Variants in UBA7 observed in about 807,000 individuals in gnomAD.
The protein encoded by UBA7 is ubiquitin like modifier activating enzyme 7.
A neutral mutation model predicts 113.0 loss-of-function variants in UBA7; 88 were observed. That is an observed-to-expected ratio of 0.78 (90% CI 0.66 to 0.93). The LOEUF (loss-of-function observed/expected upper bound fraction) is 0.93. UBA7 is among the 40% of genes least tolerant of loss of function. UBA7 has a pLI of 0.00. For synonymous variants in UBA7, 459 were observed against 513.0 expected, an observed-to-expected ratio of 0.89 and a Z score of 1.42; for missense variants, 1,092 against 1,266.4, an observed-to-expected ratio of 0.86 and a Z score of 2.09.
chr3:49,806,424 G>A, intron 21 of UBA7: 1 of 566,890 alleles, frequency 1.8e-6, no homozygotes, highest in Non-Finnish European at 3.2e-6. Context: ...GTGAGAGTGG[G>A]GGATGAGGGG....
rs1407828478 is a variant in UBA7 at position 49,810,813 on chromosome 3, C to G, written c.1250G>C (p.Gly417Ala). The G allele has an allele frequency of 6.2e-7, 1 of 1,614,014 alleles. No individual in the cohort carries two copies. The highest frequency in any genetic ancestry group is 8.5e-7 in the Non-Finnish European group (1 of 1,180,038). The change falls in exon 11 of 24, where the codon GGG (glycine) becomes GCG (alanine). Residue 417 changes from glycine (G) to alanine (A), a missense_variant. By Grantham distance (60) the Gly-to-Ala change is moderately conservative (BLOSUM62 0). Coordinates refer to ENST00000333486, the MANE Select transcript of UBA7 (RefSeq NM_003335.3). The surrounding 1 kb of genome is among the most constrained non-coding windows in gnomAD (Gnocchi z 5.6). ...ACCAGCCCCAAACACTGCAATTTGC[C>G]CATCATAGCGGCTGCCTCTCTAGGG... ...DCALRGSRYD[G>A]QIAVFGAGFQ... is the part of the protein sequence containing the mutation.
rs757639008 is a variant in UBA7, at chr3:49,807,726, A to T, written c.2715+10T>A. On this transcript the variant is annotated intron_variant, in intron 21 of 23. Coordinates refer to ENST00000333486, the MANE Select transcript of UBA7 (RefSeq NM_003335.3). This position sits in a 1 kb window ranked among gnomAD's most constrained non-coding sequence, Gnocchi z 4.0. ...CTAGTAGGGCTAAGGGTGGGGTATCATGGGCTCACCGTCTGGATGGCTGGG... is the reference window on the plus strand; with the variant it reads ...CTAGTAGGGCTAAGGGTGGGGTATCTTGGGCTCACCGTCTGGATGGCTGGG... The T allele has an allele frequency of 1.3e-6, 2 of 1,598,472 alleles. No individual in the cohort carries two copies. The highest frequency in any genetic ancestry group is 4.5e-5 in the East Asian group (2 of 44,754).
chr3:49,807,080 C>T lies in UBA7; in HGVS notation c.2715+656G>A, dbSNP rs2081466142. ...CTGGAGGCATTCACAGCGCTGCAGTCACAGGAACACAAATGCCCACAAGCC... is the reference window on the plus strand; with the variant it reads ...CTGGAGGCATTCACAGCGCTGCAGTTACAGGAACACAAATGCCCACAAGCC... On this transcript the variant is annotated intron_variant, in intron 21 of 23. Transcript: ENST00000333486. The surrounding 1 kb of genome is among the most constrained non-coding windows in gnomAD (Gnocchi z 4.0). 6.6e-6 allele frequency among the ~76,000 whole-genome samples: 1 copy of T among 152,184 alleles called. No homozygotes were observed. Among genetic ancestry groups the T allele is most frequent in the African/African-American group, 2.4e-5 (1 of 41,444 alleles).
chr3:49,808,574 T>G, intron 18 of UBA7, 106 bp from the exon 19 acceptor site: 1 of 1,198,986 alleles, frequency 8.3e-7, no homozygotes. Context: ...CACTTACTAT[T>G]CCCTGATCAA....
rs777542027 is a variant in UBA7 at position 49,807,963 on chromosome 3, C to T, written c.2524-36G>A. On this transcript the variant is annotated intron_variant, in intron 20 of 23. Coordinates refer to ENST00000333486, the MANE Select transcript of UBA7 (RefSeq NM_003335.3). This position sits in a 1 kb window ranked among gnomAD's most constrained non-coding sequence, Gnocchi z 4.0. ...CAAGAGATTTGGTCTGGGCCCAAGG[C>T]GTAGGGCCAGGGTTTGCCCTCCACC... The T allele has an allele frequency of 1.4e-5, 23 of 1,613,798 alleles. No homozygotes were observed. The highest frequency in any genetic ancestry group is 3.3e-5 in the Admixed American group (2 of 59,990).
Position 49,812,549 on chromosome 3 carries a change from TAGG to T in UBA7, c.559-9_559-7del. On this transcript the variant is annotated splice_polypyrimidine_tract_variant and splice_region_variant and intron_variant, in intron 5 of 23. Coordinates refer to ENST00000333486, the MANE Select transcript of UBA7 (RefSeq NM_003335.3). ...GTGAGAATGCCAGGGGAGCCCTGGG[TAGG>T]AGGAGGCTTGGCTCAGGGTTGCCTG... 3.7e-6 allele frequency: 6 copies of T among 1,614,090 alleles called. No individual in the cohort carries two copies. Among genetic ancestry groups the T allele is most frequent in the Non-Finnish European group, 5.1e-6 (6 of 1,180,008 alleles).
chr3:49,813,480 TG>T lies in UBA7; in HGVS notation c.223del (p.Gln75SerfsTer50). Reference protein sequence around the residue: ...HPTCWSDLAAQFLLSEQDLER... With the variant: ...HPTCWSDLAAXFLLSEQDLER... ...CCCATAGCCCCCCAGGACACTTACC[TG>T]GGCAGCCAGGTCGGACCAGCAGGTG... On this transcript the variant is annotated frameshift_variant and splice_region_variant, in exon 2 of 24. Coordinates refer to ENST00000333486, the MANE Select transcript of UBA7 (RefSeq NM_003335.3). LOFTEE classifies it high-confidence loss of function. The T allele has an allele frequency of 6.2e-7, 1 of 1,613,190 alleles. No individual in the cohort carries two copies. The highest frequency in any genetic ancestry group is 8.5e-7 in the Non-Finnish European group (1 of 1,179,602).
In UBA7 at chr3:49,813,504, G is replaced by A. The variant is rs1361434061; in HGVS notation, c.200C>T (p.Thr67Ile). 1 of 1,613,958 alleles carries A rather than the reference G, an allele frequency of 6.2e-7. No individual in the cohort carries two copies. The highest frequency in any genetic ancestry group is 1.7e-5 in the Admixed American group (1 of 60,032). Residue 67 changes from threonine to isoleucine, a missense_variant, in exon 2 of 24, where the codon ACC (threonine) becomes ATC (isoleucine). By Grantham distance (89) the Thr-to-Ile change is moderately conservative. Transcript: ENST00000333486. ...GSLTLHDPHPTCWSDLAAQFL... is the reference protein window; with the variant it reads ...GSLTLHDPHPICWSDLAAQFL... ...CTGGGCAGCCAGGTCGGACCAGCAG[G>A]TGGGGTGGGGATCATGCAGAGTGAG...
Position 49,810,548 on chromosome 3 carries a change from C to T in UBA7, c.1436G>A (p.Arg479His), listed in dbSNP as rs983604974. 3 of 1,614,012 alleles carry T rather than the reference C, an allele frequency of 1.9e-6. No homozygotes were observed. The highest frequency in any genetic ancestry group is 1.7e-5 in the Admixed American group (1 of 59,994). ...MDHIERSNLS[R>H]QFLFRSQDVG... The stretch of plus-strand genomic sequence containing the variant: ...GTCCTGGGACCTGAAGAGGAACTGA[C>T]GGCTGAGATTGGAGCGCTCTATGTG... Residue 479 changes from arginine (R) to histidine (H), a missense_variant, in exon 12 of 24, where the codon CGT (arginine) becomes CAT (histidine). Physicochemically the swap from Arg to His is conservative, Grantham distance 29 (BLOSUM62 0). Transcript: ENST00000333486. The surrounding 1 kb of genome is among the most constrained non-coding windows in gnomAD (Gnocchi z 5.6).
rs750396891 is a variant in UBA7 at position 49,808,370 on chromosome 3, C to T, written c.2430+16G>A. 36 of 1,614,072 alleles carry T rather than the reference C, an allele frequency of 2.2e-5. No individual in the cohort carries two copies. In the Admixed American group the frequency reaches 5.5e-4, roughly 25 times the overall value. On this transcript the variant is annotated intron_variant, in intron 19 of 23. Coordinates refer to ENST00000333486, the MANE Select transcript of UBA7 (RefSeq NM_003335.3). The stretch of plus-strand genomic sequence containing the variant: ...AACTCCCCAGCCCCACTCCTCACTG[C>T]CACTTGGGCACCCACCTTCTCAAAC...
At position 49,813,467 on chromosome 3, in the gene UBA7, C is replaced by T. The variant is rs71324997; in HGVS notation, c.225+12G>A. 2.8e-4 allele frequency: 450 copies of T among 1,612,364 alleles called. 2 individuals carry two copies. Among genetic ancestry groups the T allele is most frequent in the Admixed American group, 2.8e-4 (17 of 59,902 alleles). ...CTTGGTCTGGCAGCCCATAGCCCCC[C>T]AGGACACTTACCTGGGCAGCCAGGT... On this transcript the variant is annotated intron_variant, in intron 2 of 23. Transcript: ENST00000333486.
rs768939598 is a variant in UBA7 at position 49,808,992 on chromosome 3, C to T, written c.2331G>A (p.Ser777=). ...GAGCCTCACCAAACTCAGCAGAAGC[C>T]GAAGCCAGCTCTAGATTACTAGCAA... is the stretch of plus-strand genomic sequence containing the variant. The part of the protein sequence containing the change: ...PIFASNLELA[S]ASAEFGPEQQ... The change falls in exon 18 of 24, where the codon TCG becomes TCA. Residue 777 remains serine, a synonymous_variant. Transcript: ENST00000333486. The T allele has an allele frequency of 1.2e-5, 20 of 1,613,320 alleles. No homozygotes were observed. The highest frequency in any genetic ancestry group is 2.2e-5 in the South Asian group (2 of 91,030).
chr3:49,808,690 T>C (rs2081494656), intron 18 of UBA7, among the ~76,000 whole-genome samples: 2 of 152,198 alleles, frequency 1.3e-5, no homozygotes, highest in Admixed American at 6.5e-5. Context: ...CTGCAGGCCA[T>C]AGCTAGACAC....
In UBA7 at chr3:49,807,186, C is replaced by A. The variant is rs907367936; in HGVS notation, c.2715+550G>T. On this transcript the variant is annotated intron_variant, in intron 21 of 23. Coordinates refer to ENST00000333486, the MANE Select transcript of UBA7 (RefSeq NM_003335.3). The surrounding 1 kb of genome is among the most constrained non-coding windows in gnomAD (Gnocchi z 4.0). ...CACAGGAAGATGGGAGCCCTGCACT[C>A]CCATCTGATGCACAGATGTGCAAAC... Among the ~76,000 whole-genome samples the A allele has an allele frequency of 6.6e-6, 1 of 152,220 alleles. No individual in the cohort carries two copies. Among genetic ancestry groups the A allele is most frequent in the Admixed American group, 6.5e-5 (1 of 15,290 alleles).
Position 49,808,046 on chromosome 3 carries a change from C to G in UBA7, c.2497G>C (p.Gly833Arg). The change falls in exon 20 of 24, where the codon GGG (glycine) becomes CGG (arginine). Residue 833 changes from glycine to arginine, a missense_variant. By Grantham distance (125) the Gly-to-Arg change is moderately radical. Transcript: ENST00000333486. ...AAASLRCQNY[G>R]IPPVNRAQSK... ...TGGGCACGGTTGACCGGTGGAATCC[C>G]GTAGTTCTGACATCTCAGGCTAGCT... 1 of 1,614,110 alleles carries G rather than the reference C, an allele frequency of 6.2e-7. No homozygotes were observed. The highest frequency in any genetic ancestry group is 8.5e-7 in the Non-Finnish European group (1 of 1,180,000).
chr3:49,810,408 A>G lies in UBA7; in HGVS notation c.1488T>C (p.Ala496=). 6.2e-7 allele frequency: 1 copy of G among 1,614,164 alleles called. No individual in the cohort carries two copies. The highest frequency in any genetic ancestry group is 1.1e-5 in the South Asian group (1 of 91,086). Residue 496 remains alanine, a synonymous_variant, in exon 13 of 24, where the codon GCT becomes GCC. Coordinates refer to ENST00000333486, the MANE Select transcript of UBA7 (RefSeq NM_003335.3). The surrounding 1 kb of genome is among the most constrained non-coding windows in gnomAD (Gnocchi z 5.6). ...GGTTCAGGCCCCGGGCAGCTGCTGC[A>G]GCCACCTCTGCCTTGGGTCTCTGGG... is the stretch of plus-strand genomic sequence containing the variant. ...QDVGRPKAEV[A]AAAARGLNPD...
Position 49,811,256 on chromosome 3 carries a change from C to T in UBA7, c.1122+17G>A. On this transcript the variant is annotated intron_variant, in intron 9 of 23. Transcript: ENST00000333486. ...CCACATCTTCCCAGTACCCCCCACA[C>T]CTATGCCTCTGCCCACCTTCAGCAC... 6 of 1,613,778 alleles carry T rather than the reference C, an allele frequency of 3.7e-6. No individual in the cohort carries two copies. The highest frequency in any genetic ancestry group is 5.1e-6 in the Non-Finnish European group (6 of 1,179,916).
In UBA7 at chr3:49,809,170, A is replaced by G. The variant is rs1347123702; in HGVS notation, c.2164-11T>C. ...GAGGAGGTGTGTGTCCTGCAGCCAG[A>G]CCAAGAGCAGGAACAGAGGCATGGG... On this transcript the variant is annotated splice_polypyrimidine_tract_variant and intron_variant, in intron 17 of 23. Coordinates refer to ENST00000333486, the MANE Select transcript of UBA7 (RefSeq NM_003335.3). 1 of 1,604,622 alleles carries G rather than the reference A, an allele frequency of 6.2e-7. No individual in the cohort carries two copies. The highest frequency in any genetic ancestry group is 8.5e-7 in the Non-Finnish European group (1 of 1,174,720).
At chr3:49,809,953 T>C in intron 14 of UBA7, 25 bp downstream of exon 14, 2 of 1,613,742 alleles carry the variant, frequency 1.2e-6, no homozygotes, top group Non-Finnish European at 1.7e-6. Flanking sequence ...CTGGGTGGGG[T>C]GGGAGTCTCC....
Sources: allele counts gnomAD v4.1 joint callset (sites outside exome capture counted in the v4.1 genomes callset), GRCh38; gene constraint gnomAD v4.1.1; non-coding constraint Gnocchi (gnomAD v3.1); transcripts MANE v1.5; gene names NCBI Gene and HGNC (gene_info 2026-07-23, HGNC 2026-07-21).